The following NUP153 variants were observed in gnomAD, a reference collection of about 807,000 sequenced individuals.
NUP153 encodes the protein nucleoporin 153, also known as nuclear pore complex protein Nup153.
NUP153 carries 27 observed loss-of-function variants against 134.6 expected under a neutral mutation model. The observed-to-expected ratio is 0.20, with a 90% CI of 0.15 to 0.28. The LOEUF (loss-of-function observed/expected upper bound fraction) is 0.28, where lower values mean the gene tolerates loss of function less well. Ranked by LOEUF, NUP153 falls within the 10% of genes least tolerant of loss-of-function variation. The pLI is 1.00. For synonymous variants in NUP153, 640 were observed against 623.5 expected (o/e 1.03, Z -0.40); for missense variants, 1,821 against 1,731.3 (o/e 1.05, Z -0.92).
intron 18 of NUP153, among the ~76,000 whole-genome samples, chr6:17,626,543 A>C (rs1764959860): frequency 6.6e-6 from 1 of 152,334 alleles, no homozygotes; most frequent in East Asian, 1.9e-4. Flanking sequence ...CAAAATCATA[A>C]CTTCAATTTA....
intron 1 of NUP153, among the ~76,000 whole-genome samples, chr6:17,691,442 A>G (rs1442832140): frequency 2.0e-5 from 3 of 152,188 alleles, no homozygotes; most frequent in Non-Finnish European, 4.4e-5. Context: ...TCAAGACTTG[A>G]AAGTGTTTAA....
rs956360289 is a variant in NUP153, at chr6:17,648,778, C to T, written c.1533+385G>A. ...TGATTGCACCACTGCTCTCTAGCCT[C>T]GGCAATACAGCGAGACACCATCTCA... On this transcript the variant is annotated intron_variant, in intron 12 of 21. Coordinates refer to ENST00000262077, the MANE Select transcript of NUP153 (RefSeq NM_005124.4). Among the ~76,000 whole-genome samples the T allele has an allele frequency of 6.7e-5, 10 of 149,540 alleles. No homozygotes were observed. In the Admixed American group the frequency reaches 6.7e-4, roughly 10 times the overall value.
At chr6:17,641,410 C>G (rs1012688183) in intron 14 of NUP153, among the ~76,000 whole-genome samples, 8 of 152,060 alleles carry the variant, frequency 5.3e-5, no homozygotes, top group Non-Finnish European at 1.0e-4. Context: ...TGGTACACAC[C>G]TGTAGTCTCA....
At chr6:17,632,609 G>A (rs1765313089) in intron 17 of NUP153, 41 bp downstream of exon 17, 2 of 1,501,450 alleles carry the variant, frequency 1.3e-6, no homozygotes, top group Non-Finnish European at 9.0e-7. Flanking sequence ...TTACAAAAAG[G>A]CGCTTTACCA....
At chr6:17,616,312 A>T in intron 21 of NUP153, 131 bp from the exon 22 acceptor site, 1 of 644,344 alleles carries the variant, frequency 1.6e-6, no homozygotes, top group Non-Finnish European at 2.7e-6. Context: ...ATTGGTATAT[A>T]CATTTTCTGC....
At chr6:17,657,393 T>A (rs6918123) in intron 11 of NUP153, among the ~76,000 whole-genome samples, 10,142 of 94,830 alleles carry the variant, frequency 0.11, 426 homozygotes, top group Non-Finnish European at 0.14. Flanking sequence ...AATAAAAAAA[T>A]AAAAAAATAA....
intron 13 of NUP153, among the ~76,000 whole-genome samples, chr6:17,646,786 C>T (rs909347254): frequency 4.6e-5 from 7 of 151,710 alleles, no homozygotes; most frequent in African/African-American, 4.8e-5. Context: ...GTTGCCTGAG[C>T]TGGAGTGCAA....
chr6:17,661,446 A>G (rs1430151402), intron 11 of NUP153, among the ~76,000 whole-genome samples: 1 of 152,226 alleles, frequency 6.6e-6, no homozygotes, highest in Non-Finnish European at 1.5e-5. Context: ...TTGAAAAAGT[A>G]TGGGTAGTTT....
intron 11 of NUP153, among the ~76,000 whole-genome samples, chr6:17,658,056 T>C (rs1766944812): frequency 6.6e-6 from 1 of 152,210 alleles, no homozygotes; most frequent in Admixed American, 6.5e-5. Flanking sequence ...CAACAACACA[T>C]TTGGCCCAGA....
At position 17,647,834 on chromosome 6, in the gene NUP153, A is replaced by G; in HGVS notation, c.1605T>C (p.Thr535=). 1 of 1,610,516 alleles carries G rather than the reference A, an allele frequency of 6.2e-7. No homozygotes were observed. Among genetic ancestry groups the G allele is most frequent in the Non-Finnish European group, 8.5e-7 (1 of 1,176,724 alleles). Residue 535 remains threonine, a synonymous_variant, in exon 13 of 22, where the codon ACT becomes ACC. Coordinates refer to ENST00000262077, the MANE Select transcript of NUP153 (RefSeq NM_005124.4). ...ATGATGGAGGTAGTACATTTGCCTC[A>G]GTAGATTTTACGATTGGAGATGAAA... ...FKFSSPIVKS[T]EANVLPPSSI...
rs374331301 is a variant in NUP153, at chr6:17,669,225, T to A, written c.1014+68A>T. On this transcript the variant is annotated intron_variant, in intron 7 of 21. Coordinates refer to ENST00000262077, the MANE Select transcript of NUP153 (RefSeq NM_005124.4). The stretch of plus-strand genomic sequence containing the variant: ...TCCCAAGTAGCTGGGACTACAGGTG[T>A]GCACCACCACACCCGGCTAATTTTT... 1.1e-4 allele frequency: 146 copies of A among 1,348,242 alleles called. No homozygotes were observed. The African/African-American group carries it at 1.9e-3, about 18-fold the overall frequency. 83.5% of individuals were successfully genotyped at this position (1,348,242 alleles called of 1,614,324 possible). A position where few individuals can be genotyped will look rare whatever the true frequency, so the allele number is the denominator to read the frequency against.
At chr6:17,641,838 C>T (rs535335783) in intron 14 of NUP153, among the ~76,000 whole-genome samples, 1 of 5,408 alleles carries the variant, frequency 1.8e-4, no homozygotes, top group Admixed American at 2.9e-3. Flanking sequence ...GGAGACAGAG[C>T]GAGACTGTCT....
chr6:17,629,799 T>TA (rs1765140559), intron 17 of NUP153, among the ~76,000 whole-genome samples: 1 of 152,244 alleles, frequency 6.6e-6, no homozygotes, highest in Non-Finnish European at 1.5e-5. Context: ...ATAAAGTTTG[T>TA]ACTAGTGATG....
intron 9 of NUP153, among the ~76,000 whole-genome samples, chr6:17,663,662 A>G (rs138449761): frequency 1.4e-4 from 21 of 152,346 alleles, no homozygotes; most frequent in Admixed American, 5.2e-4. Flanking sequence ...GAATCAACAT[A>G]AAGAAATACA....
chr6:17,668,098 TAG>T (rs1473400064), intron 8 of NUP153, among the ~76,000 whole-genome samples: 1 of 133,948 alleles, frequency 7.5e-6, no homozygotes, highest in East Asian at 2.2e-4. Flanking sequence ...TTTTTTGAGA[TAG>T]AGTCTCACTT....
chr6:17,649,823 A>G (rs1766413323), intron 11 of NUP153, among the ~76,000 whole-genome samples: 1 of 152,208 alleles, frequency 6.6e-6, no homozygotes, highest in Non-Finnish European at 1.5e-5. Context: ...ATATGTATGT[A>G]TAAGAAAAAA....
chr6:17,698,602 G>A (rs1002291235), intron 1 of NUP153, among the ~76,000 whole-genome samples: 2 of 152,064 alleles, frequency 1.3e-5, no homozygotes, highest in Admixed American at 6.6e-5. Context: ...GCGGGGCGTG[G>A]TGGTGGGCAC....
At chr6:17,624,087 T>C (rs574137407) in intron 20 of NUP153, among the ~76,000 whole-genome samples, 84 of 152,334 alleles carry the variant, frequency 5.5e-4, no homozygotes, top group Non-Finnish European at 1.1e-3. Flanking sequence ...AGGATTATAA[T>C]ACAATTTGAT....
intron 10 of NUP153, 89 bp from the exon 11 acceptor site, chr6:17,661,868 T>A (rs75952474): frequency 3.0e-5 from 38 of 1,279,394 alleles, no homozygotes; most frequent in Admixed American, 9.0e-5. Context: ...AAAAAAAAAA[T>A]ATACAGCTGA....
Sources: allele counts gnomAD v4.1 joint callset (sites outside exome capture counted in the v4.1 genomes callset), GRCh38; gene constraint gnomAD v4.1.1; transcripts MANE v1.5; gene names NCBI Gene and HGNC (gene_info 2026-07-23, HGNC 2026-07-21).